SIX4: variants seen among roughly 807,000 people sequenced by gnomAD.
The protein encoded by SIX4 is homeobox protein SIX4.
A neutral mutation model predicts 51.5 loss-of-function variants in SIX4; 23 were observed. That is an observed-to-expected ratio of 0.45 (90% CI 0.32 to 0.63). The LOEUF (loss-of-function observed/expected upper bound fraction) is 0.63. Ranked by LOEUF, SIX4 falls within the 30% of genes least tolerant of loss-of-function variation. The probability of loss-of-function intolerance (pLI) is 0.04; values close to 1 mark genes in which losing one functional copy is unlikely to be tolerated. For missense variants in SIX4, 867 were observed against 984.0 expected (o/e 0.88, Z 1.59); for synonymous variants, 413 against 417.3 (o/e 0.99, Z 0.13).
chr14:60,710,736 A>G lies in SIX4; in HGVS notation c.*2671T>C, dbSNP rs1010866346. ...TTTATCTTACTCCATTCACATATAC[A>G]TGGGCTGCATACCAACTGGCCCTTA... On this transcript the variant is annotated 3_prime_UTR_variant, in exon 3 of 3. Coordinates refer to ENST00000216513, the MANE Select transcript of SIX4 (RefSeq NM_017420.5). 1 of 152,610 alleles carries G rather than the reference A, an allele frequency of 6.6e-6. No individual in the cohort carries two copies. The highest frequency in any genetic ancestry group is 1.5e-5 in the Non-Finnish European group (1 of 68,048). The allele number at this position is 152,610 out of a possible 1,614,324, so 9.5% of individuals were successfully genotyped here.
At position 60,723,683 on chromosome 14, in the gene SIX4, C is replaced by A; in HGVS notation, c.392G>T (p.Arg131Leu). The A allele has an allele frequency of 6.4e-7, 1 of 1,571,664 alleles. No individual in the cohort carries two copies. The highest frequency in any genetic ancestry group is 8.6e-7 in the Non-Finnish European group (1 of 1,160,196). The change falls in exon 1 of 3, where the codon CGG (arginine) becomes CTG (leucine). Residue 131 changes from arginine to leucine, a missense_variant. Physicochemically the swap from Arg to Leu is moderately radical, Grantham distance 102. Transcript: ENST00000216513. ...GCTCTGGGGCAGGGACCACAGGAAC[C>A]GGGCCAGGCGGTCCAGGTTGCCCCC... The part of the protein sequence containing the change: ...QQGGNLDRLA[R>L]FLWSLPQSDL...
chr14:60,723,961 G>T lies in SIX4; in HGVS notation c.114C>A (p.Gly38=), dbSNP rs758349639. The change falls in exon 1 of 3, where the codon GGC becomes GGA. Residue 38 remains glycine, a synonymous_variant. Coordinates refer to ENST00000216513, the MANE Select transcript of SIX4 (RefSeq NM_017420.5). ...CCGGGGGGCTCAGCCCTACCGCCGC[G>T]CCCCCCGCCACTTCTCGGTGCGCCT... ...GQEAHREVAG[G]AAVGLSPPAP... is the part of the protein sequence containing the mutation. 2 of 1,503,972 alleles carry T rather than the reference G, an allele frequency of 1.3e-6. No individual in the cohort carries two copies. Among genetic ancestry groups the T allele is most frequent in the Admixed American group, 4.7e-5 (2 of 42,440 alleles). The allele number at this position is 1,503,972 out of a possible 1,614,324, so 93.2% of individuals were successfully genotyped here. A position where few individuals can be genotyped will look rare whatever the true frequency, so the allele number is the denominator to read the frequency against.
chr14:60,716,261 A>AT (rs943111634), intron 2 of SIX4, among the ~76,000 whole-genome samples: 5 of 147,716 alleles, frequency 3.4e-5, no homozygotes, highest in South Asian at 2.2e-4. Flanking sequence ...TAAAAAAAAA[A>AT]TTTTTTTTTG....
chr14:60,713,503 G>A lies in SIX4; in HGVS notation c.2250C>T (p.Gly750=). 6.2e-7 allele frequency: 1 copy of A among 1,614,172 alleles called. No individual in the cohort carries two copies. ...GGTCTTCACAGACAGTATCAACCAT[G>A]CCATCTAAGACATACTTGGATTTAG... ...LDSKSKYVLD[G]MVDTVCEDLE... The change falls in exon 3 of 3, where the codon GGC becomes GGT. Residue 750 remains glycine (G), a synonymous_variant. Coordinates refer to ENST00000216513, the MANE Select transcript of SIX4 (RefSeq NM_017420.5).
In SIX4 at chr14:60,720,396, C is replaced by T. The variant is rs753653067; in HGVS notation, c.913G>A (p.Glu305Lys). 3 of 1,614,106 alleles carry T rather than the reference C, an allele frequency of 1.9e-6. No homozygotes were observed. The highest frequency in any genetic ancestry group is 1.6e-4 in the Middle Eastern group (1 of 6,062). The part of the protein sequence containing the change: ...STEDESSKGH[E>K]DLSPHPLSSS... ...GAGAGTGGGTGAGGAGATAAATCCTCATGTCCCTTGCTGGATTCATCTTCA... is the reference window on the plus strand; with the variant it reads ...GAGAGTGGGTGAGGAGATAAATCCTTATGTCCCTTGCTGGATTCATCTTCA... The change falls in exon 2 of 3, where the codon GAG (glutamate) becomes AAG (lysine). Residue 305 changes from glutamate (E) to lysine (K), a missense_variant. Coordinates refer to ENST00000216513, the MANE Select transcript of SIX4 (RefSeq NM_017420.5). The surrounding 1 kb of genome is among the most constrained non-coding windows in gnomAD (Gnocchi z 5.5).
chr14:60,723,489 G>T lies in SIX4; in HGVS notation c.586C>A (p.Arg196=). 1.2e-6 allele frequency: 2 copies of T among 1,605,980 alleles called. No individual in the cohort carries two copies. The highest frequency in any genetic ancestry group is 1.3e-5 in the African/African-American group (1 of 75,006). The change falls in exon 1 of 3, where the codon CGA becomes AGA. Residue 196 remains arginine, a synonymous_variant. Coordinates refer to ENST00000216513, the MANE Select transcript of SIX4 (RefSeq NM_017420.5). The part of the protein sequence containing the change: ...WYKARYTEAE[R]ARGRPLGAVD... ...GCTCCCAGCGGCCGGCCGCGGGCTC[G>T]CTCGGCCTCGGTGTAGCGCGCCTTG...
rs898129176 is a variant in SIX4 at position 60,722,464 on chromosome 14, T to G, written c.863+748A>C. ...GAGGGAGGAAGCAGCCCTTCAGCCCTGCTACCCCGGCTGCGCTGAAACCCG... is the reference window on the plus strand; with the variant it reads ...GAGGGAGGAAGCAGCCCTTCAGCCCGGCTACCCCGGCTGCGCTGAAACCCG... On this transcript the variant is annotated intron_variant, in intron 1 of 2. Coordinates refer to ENST00000216513, the MANE Select transcript of SIX4 (RefSeq NM_017420.5). This position sits in a 1 kb window ranked among gnomAD's most constrained non-coding sequence, Gnocchi z 5.9. Among the ~76,000 whole-genome samples the G allele has an allele frequency of 6.6e-6, 1 of 152,078 alleles. No individual in the cohort carries two copies. Among genetic ancestry groups the G allele is most frequent in the Non-Finnish European group, 1.5e-5 (1 of 68,008 alleles).
In SIX4 at chr14:60,724,239, C is replaced by A; in HGVS notation, c.-165G>T. The A allele has an allele frequency of 6.5e-7, 1 of 1,540,210 alleles. No homozygotes were observed. The highest frequency in any genetic ancestry group is 8.7e-7 in the Non-Finnish European group (1 of 1,149,180). On this transcript the variant is annotated 5_prime_UTR_variant, in exon 1 of 3. Coordinates refer to ENST00000216513, the MANE Select transcript of SIX4 (RefSeq NM_017420.5). ...CTGTATCTGGCCGATCAGGTTTCCC[C>A]CCGGCCACGCAGTCACCATTAAGAT...
chr14:60,723,882 C>G lies in SIX4; in HGVS notation c.193G>C (p.Val65Leu). The change falls in exon 1 of 3, where the codon GTG becomes CTG. Residue 65 changes from valine to leucine, a missense_variant. Transcript: ENST00000216513. ...GCCACTGCCCCTTCCTCTCCGCTCA[C>G]CCTGGCGGCAGCGGTCGCGGCGTCC... ...PGDAATAAAR[V>L]SGEEGAVAAA... 2 of 1,536,198 alleles carry G rather than the reference C, an allele frequency of 1.3e-6. No individual in the cohort carries two copies. The highest frequency in any genetic ancestry group is 1.7e-6 in the Non-Finnish European group (2 of 1,156,900).
chr14:60,719,627 C>T lies in SIX4; in HGVS notation c.1549+133G>A, dbSNP rs1249815161. Reference sequence around the variant, plus strand: ...GTGAAAGAGGAGAATCACATCAAGGCTACTCTACAGCTTCGGCAGCTAATA... The same window carrying T: ...GTGAAAGAGGAGAATCACATCAAGGTTACTCTACAGCTTCGGCAGCTAATA... On this transcript the variant is annotated intron_variant, in intron 2 of 2. Transcript: ENST00000216513. The surrounding 1 kb of genome is among the most constrained non-coding windows in gnomAD (Gnocchi z 4.9). 13 of 876,300 alleles carry T rather than the reference C, an allele frequency of 1.5e-5. No individual in the cohort carries two copies. The highest frequency in any genetic ancestry group is 3.5e-4 in the Middle Eastern group (1 of 2,848). The allele number at this position is 876,300 out of a possible 1,614,324, so 54.3% of individuals were successfully genotyped here.
Position 60,717,956 on chromosome 14 carries a change from G to C in SIX4, c.1549+1804C>G, listed in dbSNP as rs921955496. Reference sequence around the variant, plus strand: ...GAACACGGGAGGCAGAGGCTGCAGTGAGCCGAGATCGCGCCACTGTACTCC... The same window carrying C: ...GAACACGGGAGGCAGAGGCTGCAGTCAGCCGAGATCGCGCCACTGTACTCC... On this transcript the variant is annotated intron_variant, in intron 2 of 2. Coordinates refer to ENST00000216513, the MANE Select transcript of SIX4 (RefSeq NM_017420.5). This position sits in a 1 kb window ranked among gnomAD's most constrained non-coding sequence, Gnocchi z 4.6. The C allele has an allele frequency of 4.7e-6, 1 of 213,892 alleles. No homozygotes were observed. The highest frequency in any genetic ancestry group is 9.4e-6 in the Non-Finnish European group (1 of 106,580). The allele number at this position is 213,892 out of a possible 1,614,324, so 13.2% of individuals were successfully genotyped here. A position where few individuals can be genotyped will look rare whatever the true frequency, so the allele number is the denominator to read the frequency against.
Position 60,711,394 on chromosome 14 carries a change from A to G in SIX4, c.*2013T>C, listed in dbSNP as rs1895818334. ...TATATGCCTGCAAGTTCCATTTATG[A>G]TAACAAAAGTTAAATCCTCTATGTC... is the stretch of plus-strand genomic sequence containing the variant. On this transcript the variant is annotated 3_prime_UTR_variant, in exon 3 of 3. Transcript: ENST00000216513. 1 of 152,156 alleles carries G rather than the reference A, an allele frequency of 6.6e-6. No homozygotes were observed. The highest frequency in any genetic ancestry group is 2.4e-5 in the African/African-American group (1 of 41,428). 9.4% of individuals were successfully genotyped at this position (152,156 alleles called of 1,614,324 possible).
chr14:60,723,301 C>A lies in SIX4; in HGVS notation c.774G>T (p.Lys258Asn). 1 of 1,613,096 alleles carries A rather than the reference C, an allele frequency of 6.2e-7. No individual in the cohort carries two copies. The highest frequency in any genetic ancestry group is 2.2e-5 in the East Asian group (1 of 44,756). The change falls in exon 1 of 3, where the codon AAG becomes AAT. Residue 258 changes from lysine (K) to asparagine (N), a missense_variant. Coordinates refer to ENST00000216513, the MANE Select transcript of SIX4 (RefSeq NM_017420.5). The part of the protein sequence containing the change: ...PSPAEKRHLA[K>N]ITGLSLTQVS... ...CCTGGGTGAGGGAGAGGCCGGTGAT[C>A]TTGGCCAGGTGCCGCTTCTCGGCGG...
At position 60,713,646 on chromosome 14, in the gene SIX4, C is replaced by T. The variant is rs1203582766; in HGVS notation, c.2107G>A (p.Val703Ile). ...TGTTCTTGGACAAAATCCTGATGTA[C>T]TGCTGGGGAGGGGTGACCTACCTGA... ...EDQVGHPSPA[V>I]HQDFVQEHRL... Residue 703 changes from valine (V) to isoleucine (I), a missense_variant, in exon 3 of 3, where the codon GTA becomes ATA. By Grantham distance (29) the Val-to-Ile change is conservative. Transcript: ENST00000216513. 2.5e-6 allele frequency: 4 copies of T among 1,614,110 alleles called. No homozygotes were observed. The highest frequency in any genetic ancestry group is 2.2e-5 in the South Asian group (2 of 91,090).
Position 60,724,281 on chromosome 14 carries a change from T to C in SIX4, c.-207A>G, listed in dbSNP as rs940391234. 10 of 1,529,464 alleles carry C rather than the reference T, an allele frequency of 6.5e-6. No individual in the cohort carries two copies. The highest frequency in any genetic ancestry group is 7.9e-6 in the Non-Finnish European group (9 of 1,143,098). The allele number at this position is 1,529,464 out of a possible 1,614,324, so 94.7% of individuals were successfully genotyped here. On this transcript the variant is annotated 5_prime_UTR_variant, in exon 1 of 3. Coordinates refer to ENST00000216513, the MANE Select transcript of SIX4 (RefSeq NM_017420.5). ...CATTAAGATAGCTGTTAGAGCAAAG[T>C]AGTGTAAACGGATAGCTGCTTTCTG...
chr14:60,724,251 G>A lies in SIX4; in HGVS notation c.-177C>T, dbSNP rs1049367387. The A allele has an allele frequency of 2.6e-6, 4 of 1,536,736 alleles. No homozygotes were observed. In the African/African-American group the frequency reaches 5.5e-5, roughly 21 times the overall value. On this transcript the variant is annotated 5_prime_UTR_variant, in exon 1 of 3. Coordinates refer to ENST00000216513, the MANE Select transcript of SIX4 (RefSeq NM_017420.5). The stretch of plus-strand genomic sequence containing the variant: ...GATCAGGTTTCCCCCCGGCCACGCA[G>A]TCACCATTAAGATAGCTGTTAGAGC...
Position 60,710,933 on chromosome 14 carries a change from A to G in SIX4, c.*2474T>C, listed in dbSNP as rs983088535. On this transcript the variant is annotated 3_prime_UTR_variant, in exon 3 of 3. Transcript: ENST00000216513. ...AGTTTTGTGCTATCTTTTCTTTTTC[A>G]TAAGGGAGAAAAGAGGAAGAACACT... is the stretch of plus-strand genomic sequence containing the variant. 14 of 152,250 alleles carry G rather than the reference A, an allele frequency of 9.2e-5. No homozygotes were observed. Among genetic ancestry groups the G allele is most frequent in the Admixed American group, 6.6e-4 (10 of 15,202 alleles). The allele number at this position is 152,250 out of a possible 1,614,324, so 9.4% of individuals were successfully genotyped here. A position where few individuals can be genotyped will look rare whatever the true frequency, so the allele number is the denominator to read the frequency against.
intron 1 of SIX4, 199 bp downstream of exon 1, chr14:60,723,013 G>A: frequency 8.1e-7 from 1 of 1,239,258 alleles, no homozygotes; most frequent in Non-Finnish European, 1.1e-6. Flanking sequence ...AGGGTAAGGA[G>A]GGAGGTTCCC....
Position 60,717,082 on chromosome 14 carries a change from T to C in SIX4, c.1549+2678A>G. 3.1e-6 allele frequency: 1 copy of C among 325,544 alleles called. No individual in the cohort carries two copies. Among genetic ancestry groups the C allele is most frequent in the Non-Finnish European group, 6.0e-6 (1 of 168,006 alleles). The allele number at this position is 325,544 out of a possible 1,614,324, so 20.2% of individuals were successfully genotyped here. A position where few individuals can be genotyped will look rare whatever the true frequency, so the allele number is the denominator to read the frequency against. On this transcript the variant is annotated intron_variant, in intron 2 of 2. Transcript: ENST00000216513. The surrounding 1 kb of genome is among the most constrained non-coding windows in gnomAD (Gnocchi z 4.6). ...CTCTTATTTTTATTTATTTATTTAT[T>C]TATTTTTGAGATAAGGGGTTTTGCT...
Sources: gnomAD v4.1 joint callset for allele counts (sites outside exome capture counted in the v4.1 genomes callset) on GRCh38, gnomAD v4.1.1 for gene constraint, Gnocchi (gnomAD v3.1) non-coding constraint, MANE v1.5 for transcripts, NCBI Gene and HGNC (gene_info 2026-07-23, HGNC 2026-07-21) for gene names.